Variants in UNC5D observed in about 807,000 individuals in gnomAD.
UNC5D encodes netrin receptor UNC5D.
In UNC5D, 39 loss-of-function variants were observed where a neutral mutation model predicts 105.4. That is an observed-to-expected ratio of 0.37 (90% CI 0.29 to 0.48). The LOEUF (loss-of-function observed/expected upper bound fraction) is 0.48. Among genes scored for constraint, UNC5D ranks in the 20% least tolerant of loss-of-function variants. The pLI is 0.98. For synonymous variants in UNC5D, 452 were observed against 450.4 expected (o/e 1.00, Z -0.04); for missense variants, 991 against 1,202.4 (o/e 0.82, Z 2.60).
intron 4 of UNC5D, among the ~76,000 whole-genome samples, chr8:35,679,167 T>A (rs1209899514): frequency 6.6e-6 from 1 of 152,156 alleles, no homozygotes; most frequent in Non-Finnish European, 1.5e-5. Context: ...GGAGGATTGC[T>A]TCAGCCTGGA....
chr8:35,463,674 T>C (rs1585901006), intron 1 of UNC5D, among the ~76,000 whole-genome samples: 1 of 150,610 alleles, frequency 6.6e-6, no homozygotes, highest in Admixed American at 6.6e-5. Flanking sequence ...CCGTCCCAGC[T>C]ACTTGAGAGG....
Position 35,324,233 on chromosome 8 carries a change from C to CAAAAAAA in UNC5D, c.103+88361_103+88367dup, listed in dbSNP as rs569409228. Among the ~76,000 whole-genome samples the CAAAAAAA allele has an allele frequency of 4.0e-4, 25 of 62,798 alleles. 2 individuals are homozygous for CAAAAAAA. The highest frequency in any genetic ancestry group is 1.0e-3 in the East Asian group (2 of 1,976). The allele number at this position is 62,798 out of a possible 152,430, so 41.2% of individuals were successfully genotyped here. ...AGGCAACAGAGCAAGACCCTGTCTC[C>CAAAAAAA]AAAAAAAAAAAAAAAAAAAAAGTGA... On this transcript the variant is annotated intron_variant, in intron 1 of 16. Coordinates refer to ENST00000404895, the MANE Select transcript of UNC5D (RefSeq NM_080872.4).
At chr8:35,684,524 A>G in intron 5 of UNC5D, 58 bp from the exon 6 acceptor site, 1 of 1,574,608 alleles carries the variant, frequency 6.4e-7, no homozygotes, top group Non-Finnish European at 8.6e-7. Flanking sequence ...TGCACATAGT[A>G]GGCAATCAGT....
chr8:35,432,364 A>G (rs1452047400), intron 1 of UNC5D, among the ~76,000 whole-genome samples: 5 of 152,192 alleles, frequency 3.3e-5, no homozygotes, highest in African/African-American at 1.2e-4. Context: ...TATAAATCAG[A>G]AAATTATGGG....
chr8:35,337,562 G>T (rs1233638581), intron 1 of UNC5D, among the ~76,000 whole-genome samples: 1 of 152,120 alleles, frequency 6.6e-6, no homozygotes, highest in African/African-American at 2.4e-5. Flanking sequence ...CGAGTTAAGG[G>T]AATATGCCCC....
intron 1 of UNC5D, among the ~76,000 whole-genome samples, chr8:35,404,741 C>T (rs1040200512): frequency 6.6e-6 from 1 of 152,154 alleles, no homozygotes; most frequent in Admixed American, 6.5e-5. Context: ...GTGTCTGCCA[C>T]CACTCCTGGC....
At chr8:35,498,146 TTTCA>T in intron 1 of UNC5D, among the ~76,000 whole-genome samples, 1 of 144,862 alleles carries the variant, frequency 6.9e-6, no homozygotes, top group Non-Finnish European at 1.5e-5. Flanking sequence ...GAAGAGAATA[TTTCA>T]AGGAAAAAGG....
chr8:35,319,101 A>G (rs906507180), intron 1 of UNC5D, among the ~76,000 whole-genome samples: 1 of 152,114 alleles, frequency 6.6e-6, no homozygotes, highest in Non-Finnish European at 1.5e-5. Flanking sequence ...TGTGAAGTGC[A>G]TGGAGCTGAC....
In UNC5D at chr8:35,774,280, T is replaced by A; in HGVS notation, c.2479-19T>A. On this transcript the variant is annotated intron_variant, in intron 15 of 16. Coordinates refer to ENST00000404895, the MANE Select transcript of UNC5D (RefSeq NM_080872.4). ...GCTTTCAGATAGATCTGATCATGCGTTCCTTATTTTGTTTATAGAGTGAAC... is the reference window on the plus strand; with the variant it reads ...GCTTTCAGATAGATCTGATCATGCGATCCTTATTTTGTTTATAGAGTGAAC... The A allele has an allele frequency of 6.2e-7, 1 of 1,613,476 alleles. No homozygotes were observed. Among genetic ancestry groups the A allele is most frequent in the Non-Finnish European group, 8.5e-7 (1 of 1,179,496 alleles).
chr8:35,786,568 T>C (rs1802752450), intron 16 of UNC5D, among the ~76,000 whole-genome samples: 1 of 152,202 alleles, frequency 6.6e-6, no homozygotes, highest in Non-Finnish European at 1.5e-5. Flanking sequence ...ACCTAGTTTG[T>C]ATGCCTCTCT....
chr8:35,514,531 G>C (rs904719710), intron 1 of UNC5D, among the ~76,000 whole-genome samples: 6 of 152,210 alleles, frequency 3.9e-5, no homozygotes, highest in Non-Finnish European at 8.8e-5. Context: ...GCAGTTGCTA[G>C]AAATTAGGTA....
intron 1 of UNC5D, among the ~76,000 whole-genome samples, chr8:35,398,853 A>C (rs1804265395): frequency 6.6e-6 from 1 of 152,178 alleles, no homozygotes; most frequent in Non-Finnish European, 1.5e-5. Flanking sequence ...AAACAGTTTA[A>C]GTAGTTTTCA....
intron 4 of UNC5D, among the ~76,000 whole-genome samples, chr8:35,639,043 TC>T (rs1305213103): frequency 6.6e-6 from 1 of 152,186 alleles, no homozygotes; most frequent in Admixed American, 6.5e-5. Flanking sequence ...AGTATATCTT[TC>T]CCACACTGAA....
intron 1 of UNC5D, among the ~76,000 whole-genome samples, chr8:35,434,413 A>T (rs1806867615): frequency 6.6e-6 from 1 of 152,088 alleles, no homozygotes; most frequent in South Asian, 2.1e-4. Flanking sequence ...AAGTAATTTT[A>T]AATTTTTTTT....
chr8:35,389,371 G>A (rs1803626484), intron 1 of UNC5D, among the ~76,000 whole-genome samples: 1 of 152,148 alleles, frequency 6.6e-6, no homozygotes, highest in Non-Finnish European at 1.5e-5. Context: ...GGTAGGGCTT[G>A]GGGCTCTGCA....
chr8:35,393,194 G>C (rs1469334385), intron 1 of UNC5D, among the ~76,000 whole-genome samples: 2 of 138,310 alleles, frequency 1.4e-5, no homozygotes, highest in South Asian at 4.9e-4. Context: ...GTGCAGTGGC[G>C]CAATCTCGGC....
intron 16 of UNC5D, among the ~76,000 whole-genome samples, chr8:35,775,135 T>C (rs1802186600): frequency 6.6e-6 from 1 of 152,172 alleles, no homozygotes; most frequent in African/African-American, 2.4e-5. Context: ...CAAGCAAATT[T>C]CTCACGTCTC....
At chr8:35,574,227 C>A (rs1038753677) in intron 3 of UNC5D, among the ~76,000 whole-genome samples, 1 of 152,058 alleles carries the variant, frequency 6.6e-6, no homozygotes, top group African/African-American at 2.4e-5. Flanking sequence ...CTTGGCCGGG[C>A]AAACTTTTCT....
intron 1 of UNC5D, among the ~76,000 whole-genome samples, chr8:35,317,951 A>G (rs1199708454): frequency 6.6e-6 from 1 of 151,976 alleles, no homozygotes; most frequent in Non-Finnish European, 1.5e-5. Context: ...TCTAGTGACT[A>G]TCTTTTCTTT....
Sources: gnomAD v4.1 joint callset for allele counts (sites outside exome capture counted in the v4.1 genomes callset) on GRCh38, gnomAD v4.1.1 for gene constraint, MANE v1.5 for transcripts, NCBI Gene and HGNC (gene_info 2026-07-23, HGNC 2026-07-21) for gene names.